The following NXPE1 variants were observed in gnomAD, a reference collection of about 807,000 sequenced individuals.
NXPE1 encodes NXPE family member 1.
NXPE1 carries 31 observed loss-of-function variants against 33.3 expected under a neutral mutation model. The ratio of observed to expected loss-of-function variants is 0.93; its 90% CI spans 0.70 to 1.26. NXPE1 has a LOEUF of 1.26. Among genes scored for constraint, NXPE1 ranks in the 50% most tolerant of loss-of-function variants. NXPE1 has a pLI of 0.00. For synonymous variants in NXPE1, 229 were observed against 231.4 expected, an observed-to-expected ratio of 0.99 and a Z score of 0.09; for missense variants, 661 against 655.6, an observed-to-expected ratio of 1.01 and a Z score of -0.09.
chr11:114,528,855 T>G (rs1473547378), intron 6 of NXPE1: 2 of 662,194 alleles, frequency 3.0e-6, no homozygotes, highest in Admixed American at 2.0e-5. Flanking sequence ...AGGATCAGCA[T>G]GTTTTCATCC....
exon 9 of NXPE1, chr11:114,522,013 A>G (rs779352229): frequency 6.2e-7 from 1 of 1,613,734 alleles, no homozygotes; most frequent in Admixed American, 1.7e-5. Flanking sequence ...TTCCAATCAC[A>G]TGATCAGGTG....
intron 5 of NXPE1, among the ~76,000 whole-genome samples, chr11:114,548,406 C>G (rs373320228): frequency 2.0e-5 from 3 of 151,924 alleles, no homozygotes; most frequent in East Asian, 1.9e-4. Flanking sequence ...CAAATATTCT[C>G]TATATCTTAG....
intron 5 of NXPE1, among the ~76,000 whole-genome samples, chr11:114,533,501 G>A (rs570566855): frequency 4.5e-4 from 69 of 152,342 alleles, no homozygotes; most frequent in Admixed American, 8.5e-4. Flanking sequence ...GCCTCACCCG[G>A]GAAGCACAAG....
At chr11:114,551,486 T>G in intron 3 of NXPE1, 45 bp from the exon 4 acceptor site, 2 of 946,486 alleles carry the variant, frequency 2.1e-6, no homozygotes, top group Non-Finnish European at 2.6e-6. Context: ...CTTAATGCCC[T>G]CTGTATTTTC....
chr11:114,538,640 A>C (rs1320601646), intron 5 of NXPE1, among the ~76,000 whole-genome samples: 2 of 152,250 alleles, frequency 1.3e-5, no homozygotes, highest in African/African-American at 4.8e-5. Flanking sequence ...GACACTTCTC[A>C]ATAGAAGACA....
intron 5 of NXPE1, among the ~76,000 whole-genome samples, chr11:114,541,137 A>G (rs1437803289): frequency 6.6e-6 from 1 of 152,088 alleles, no homozygotes; most frequent in East Asian, 1.9e-4. Flanking sequence ...AACCAAGTTA[A>G]TCGATTGCCT....
chr11:114,536,418 G>C (rs577455838), intron 5 of NXPE1, among the ~76,000 whole-genome samples: 2 of 152,234 alleles, frequency 1.3e-5, no homozygotes, highest in African/African-American at 4.8e-5. Context: ...CAGAAGGCAA[G>C]AAATAACTAA....
At chr11:114,525,730 G>A (rs1947348518) in intron 7 of NXPE1, among the ~76,000 whole-genome samples, 1 of 152,168 alleles carries the variant, frequency 6.6e-6, no homozygotes, top group African/African-American at 2.4e-5. Context: ...TTCTGCTTCT[G>A]TAAGCTTGCT....
intron 5 of NXPE1, 131 bp from the exon 6 acceptor site, chr11:114,531,039 TTG>T (rs1947559663): frequency 1.0e-6 from 1 of 998,246 alleles, no homozygotes; most frequent in Non-Finnish European, 1.4e-6. Flanking sequence ...AATTGAATAT[TTG>T]GTAATAAAGT....
chr11:114,530,484 TG>T lies in NXPE1; in HGVS notation c.523del (p.Gln175ArgfsTer48), dbSNP rs759923775. ...GATGAGCAGCAGAGACAGGGAGACCTGGCCCTCCCAGAACAGAGTGAAGCTG... is the reference window on the plus strand; with the variant it reads ...GATGAGCAGCAGAGACAGGGAGACCTGCCCTCCCAGAACAGAGTGAAGCTG... On this transcript the variant is annotated frameshift_variant, in exon 6 of 9. Coordinates refer to ENST00000534921, the Ensembl canonical transcript of NXPE1. LOFTEE classifies it high-confidence loss of function. The T allele has an allele frequency of 6.2e-7, 1 of 1,614,206 alleles. No homozygotes were observed. Among genetic ancestry groups the T allele is most frequent in the Non-Finnish European group, 8.5e-7 (1 of 1,180,014 alleles).
rs1221609498 is a variant in NXPE1 at position 114,536,824 on chromosome 11, T to C, written c.100-5916A>G. Among the ~76,000 whole-genome samples the C allele has an allele frequency of 2.6e-5, 4 of 152,228 alleles. No homozygotes were observed. In the South Asian group the frequency reaches 8.3e-4, roughly 32 times the overall value. On this transcript the variant is annotated intron_variant, in intron 5 of 8. Coordinates refer to ENST00000534921, the Ensembl canonical transcript of NXPE1. ...CAACCAAAAAAAGTCCAGGACCAGA[T>C]GGATTCACAGCCGAATTCTACCAGA...
At chr11:114,555,417 G>C (rs1948625350) in intron 1 of NXPE1, among the ~76,000 whole-genome samples, 1 of 152,108 alleles carries the variant, frequency 6.6e-6, no homozygotes, top group East Asian at 1.9e-4. Context: ...AGTAGAGACA[G>C]AGTCTCACCA....
At chr11:114,544,272 T>C (rs683078) in intron 5 of NXPE1, among the ~76,000 whole-genome samples, 90,968 of 151,904 alleles carry the variant, frequency 0.6, 29,031 homozygotes, top group African/African-American at 0.84. Context: ...CCAAAATAAC[T>C]CAATTCTGAG....
intron 6 of NXPE1, 85 bp from the exon 7 acceptor site, chr11:114,527,986 AT>A: frequency 1.0e-6 from 1 of 997,110 alleles, no homozygotes; most frequent in Non-Finnish European, 1.5e-6. Flanking sequence ...GTGAAGGAAA[AT>A]TTTTAGTTTT....
chr11:114,539,391 A>T (rs1258736523), intron 5 of NXPE1, among the ~76,000 whole-genome samples: 1 of 151,814 alleles, frequency 6.6e-6, no homozygotes, highest in Non-Finnish European at 1.5e-5. Context: ...TATGTAACAA[A>T]CCTGCACGTT....
At position 114,522,993 on chromosome 11, in the gene NXPE1, GGTT is replaced by G. The variant is rs768014323; in HGVS notation, c.991_993del (p.Asn331del). On this transcript the variant is annotated inframe_deletion, in exon 8 of 9. Transcript: ENST00000534921. The stretch of plus-strand genomic sequence containing the variant: ...ATCTTAATTGTGTCTAACTGAACCT[GGTT>G]GCAAAATGTTGTTATCCATTTTCCT... 411 of 1,613,662 alleles carry G rather than the reference GGTT, an allele frequency of 2.5e-4. 1 individual carries two copies. The highest frequency in any genetic ancestry group is 2.0e-3 in the Middle Eastern group (12 of 6,058).
chr11:114,529,040 G>T, intron 6 of NXPE1: 2 of 400,684 alleles, frequency 5.0e-6, no homozygotes, highest in Non-Finnish European at 8.9e-6. Flanking sequence ...ATTCTGGAAT[G>T]CATGTTATTT....
downstream of NXPE1, among the ~76,000 whole-genome samples, chr11:114,521,038 T>G (rs1488641017): frequency 1.3e-5 from 2 of 152,226 alleles, no homozygotes; most frequent in African/African-American, 2.4e-5. Context: ...CTGCCTTATT[T>G]ACTTATTTGA....
At chr11:114,525,323 A>G (rs1947336145) in intron 7 of NXPE1, among the ~76,000 whole-genome samples, 1 of 152,080 alleles carries the variant, frequency 6.6e-6, no homozygotes, top group Non-Finnish European at 1.5e-5. Flanking sequence ...ATAGTCCCCC[A>G]AAGATATCCA....
Sources: gnomAD v4.1 joint callset for allele counts (sites outside exome capture counted in the v4.1 genomes callset) on GRCh38, gnomAD v4.1.1 for gene constraint, MANE v1.5 for transcripts, NCBI Gene and HGNC (gene_info 2026-07-23, HGNC 2026-07-21) for gene names.